The following GALNTL6 variants were observed in gnomAD, a reference collection of about 807,000 sequenced individuals.
The protein encoded by GALNTL6 is polypeptide N-acetylgalactosaminyltransferase like 6.
In GALNTL6, 46 loss-of-function variants were observed where a neutral mutation model predicts 73.7. The ratio of observed to expected loss-of-function variants is 0.62; its 90% CI spans 0.49 to 0.80. The LOEUF is 0.80. GALNTL6 is among the 30% of genes least tolerant of loss of function. The probability of loss-of-function intolerance (pLI) is 0.00; values close to 1 mark genes in which losing one functional copy is unlikely to be tolerated. For synonymous variants in GALNTL6, 259 were observed against 263.7 expected, an observed-to-expected ratio of 0.98 and a Z score of 0.17; for missense variants, 604 against 755.0, an observed-to-expected ratio of 0.80 and a Z score of 2.34.
chr4:172,004,173 C>A lies in GALNTL6; in HGVS notation c.138+189455C>A, dbSNP rs901772962. Among the ~76,000 whole-genome samples the A allele has an allele frequency of 2.0e-5, 3 of 152,098 alleles. No individual in the cohort carries two copies. In the East Asian group the frequency reaches 5.8e-4, roughly 29 times the overall value. On this transcript the variant is annotated intron_variant, in intron 2 of 12. Coordinates refer to ENST00000506823, the MANE Select transcript of GALNTL6 (RefSeq NM_001034845.3). ...ATTTATTCTTTGGTGCCAAATTAAA[C>A]CTTTTGTTCCTAACTGCAAAGAGTT...
chr4:172,945,259 G>T (rs1749110061), intron 9 of GALNTL6, among the ~76,000 whole-genome samples: 1 of 151,958 alleles, frequency 6.6e-6, no homozygotes, highest in Non-Finnish European at 1.5e-5. Flanking sequence ...GGTTGTCTGG[G>T]GACATAGAAA....
chr4:171,906,729 G>A (rs1232150704), intron 2 of GALNTL6, among the ~76,000 whole-genome samples: 1 of 152,148 alleles, frequency 6.6e-6, no homozygotes, highest in African/African-American at 2.4e-5. Context: ...GATGAACATT[G>A]ATGCAAAAAT....
At chr4:172,083,109 A>C (rs1228013594) in intron 2 of GALNTL6, among the ~76,000 whole-genome samples, 4 of 152,272 alleles carry the variant, frequency 2.6e-5, no homozygotes, top group African/African-American at 9.6e-5. Flanking sequence ...GCTTCACAAC[A>C]CTTTGTGAGT....
At position 172,629,598 on chromosome 4, in the gene GALNTL6, A is replaced by T. The variant is rs562097532; in HGVS notation, c.554-179763A>T. Among the ~76,000 whole-genome samples, 155 of 152,324 alleles carry T rather than the reference A, an allele frequency of 1.0e-3. 1 individual carries two copies. In the South Asian group the frequency reaches 0.021, roughly 20 times the overall value. ...AAAAGTACAAAATTTAAAATTCAACAGTTACCACTATTAAATTTGAAGCAT... is the reference window on the plus strand; with the variant it reads ...AAAAGTACAAAATTTAAAATTCAACTGTTACCACTATTAAATTTGAAGCAT... On this transcript the variant is annotated intron_variant, in intron 5 of 12. Coordinates refer to ENST00000506823, the MANE Select transcript of GALNTL6 (RefSeq NM_001034845.3).
intron 5 of GALNTL6, among the ~76,000 whole-genome samples, chr4:172,776,769 CCT>C (rs919201488): frequency 6.6e-6 from 1 of 152,132 alleles, no homozygotes; most frequent in Admixed American, 6.6e-5. Context: ...CTGATTGTTT[CCT>C]CTGTTACTTT....
chr4:173,014,618 G>A (rs1382077011), intron 11 of GALNTL6, among the ~76,000 whole-genome samples: 5 of 152,146 alleles, frequency 3.3e-5, no homozygotes, highest in Non-Finnish European at 5.9e-5. Flanking sequence ...TCAAGACAGA[G>A]CGAACTGATG....
chr4:171,923,786 C>CTCTGTGTGTGTGTGTGTGTG (rs1189195927), intron 2 of GALNTL6, among the ~76,000 whole-genome samples: 53 of 133,294 alleles, frequency 4.0e-4, no homozygotes, highest in African/African-American at 1.4e-3. Flanking sequence ...AAAAGTATTG[C>CTCTGTGTGTGTGTGTGTGTG]TGTGTGTGTG....
chr4:172,495,242 T>C (rs1250905203), intron 5 of GALNTL6, among the ~76,000 whole-genome samples: 1 of 152,084 alleles, frequency 6.6e-6, no homozygotes, highest in Non-Finnish European at 1.5e-5. Flanking sequence ...GACAAATCTA[T>C]GACAAAGCAA....
intron 3 of GALNTL6, among the ~76,000 whole-genome samples, chr4:172,279,283 T>C (rs1738945200): frequency 6.6e-6 from 1 of 152,078 alleles, no homozygotes; most frequent in Non-Finnish European, 1.5e-5. Context: ...AAGGTAACCA[T>C]TGAAATGGGA....
intron 2 of GALNTL6, among the ~76,000 whole-genome samples, chr4:171,992,531 C>G (rs1414201669): frequency 6.6e-6 from 1 of 152,060 alleles, no homozygotes. Flanking sequence ...TCTTCTTACT[C>G]TACCTAGTAT....
chr4:172,689,578 G>A (rs986926685), intron 5 of GALNTL6, among the ~76,000 whole-genome samples: 2 of 152,146 alleles, frequency 1.3e-5, no homozygotes, highest in Admixed American at 6.5e-5. Flanking sequence ...TATGAAGACA[G>A]ATATTATTAT....
chr4:172,445,481 G>C (rs1415452085), intron 5 of GALNTL6, among the ~76,000 whole-genome samples: 1 of 152,136 alleles, frequency 6.6e-6, no homozygotes, highest in Admixed American at 6.6e-5. Context: ...TAGGCAGATA[G>C]ACAGACAGAC....
At chr4:172,960,894 G>T (rs1250580808) in intron 10 of GALNTL6, among the ~76,000 whole-genome samples, 3 of 152,002 alleles carry the variant, frequency 2.0e-5, no homozygotes, top group African/African-American at 4.8e-5. Context: ...TGCCCATAGT[G>T]AAGGAGGCAA....
intron 8 of GALNTL6, among the ~76,000 whole-genome samples, chr4:172,889,853 T>A (rs1209431084): frequency 1.3e-5 from 2 of 152,152 alleles, no homozygotes; most frequent in African/African-American, 4.8e-5. Context: ...GTTGTATGGT[T>A]GGTAAAATTT....
At chr4:172,600,831 C>T (rs1428490995) in intron 5 of GALNTL6, among the ~76,000 whole-genome samples, 1 of 152,066 alleles carries the variant, frequency 6.6e-6, no homozygotes, top group Non-Finnish European at 1.5e-5. Context: ...AACCTAAATA[C>T]TGGCCATAAC....
intron 2 of GALNTL6, among the ~76,000 whole-genome samples, chr4:171,968,844 G>T (rs191120676): frequency 0.015 from 2,298 of 149,436 alleles, 45 homozygotes; most frequent in African/African-American, 0.043. Context: ...TGCGGGGTGG[G>T]GGGGGGGTTG....
chr4:172,577,411 A>G (rs1163118200), intron 5 of GALNTL6, among the ~76,000 whole-genome samples: 1 of 152,174 alleles, frequency 6.6e-6, no homozygotes, highest in East Asian at 1.9e-4. Context: ...GTTTTATACA[A>G]ATTTATTTAT....
At position 172,459,727 on chromosome 4, in the gene GALNTL6, T is replaced by C. The variant is rs996285576; in HGVS notation, c.553+111038T>C. ...GGAAATAAGAGAGGACTCAAACAAA[T>C]GGAAAACATTCCATGCTCATGGGTA... On this transcript the variant is annotated intron_variant, in intron 5 of 12. Coordinates refer to ENST00000506823, the MANE Select transcript of GALNTL6 (RefSeq NM_001034845.3). 2.6e-5 allele frequency among the ~76,000 whole-genome samples: 4 copies of C among 152,122 alleles called. No homozygotes were observed. The South Asian group carries it at 6.2e-4, about 24-fold the overall frequency.
chr4:172,916,260 G>C (rs1016406993), intron 8 of GALNTL6, among the ~76,000 whole-genome samples: 1 of 152,080 alleles, frequency 6.6e-6, no homozygotes, highest in Non-Finnish European at 1.5e-5. Context: ...AATAATAAGA[G>C]CTATTTATGA....
Sources: gnomAD v4.1 joint callset for allele counts (sites outside exome capture counted in the v4.1 genomes callset) on GRCh38, gnomAD v4.1.1 for gene constraint, MANE v1.5 for transcripts, NCBI Gene and HGNC (gene_info 2026-07-23, HGNC 2026-07-21) for gene names.